Variants in LRP2 observed in about 807,000 individuals in gnomAD.
LRP2 encodes the protein LDL receptor related protein 2, also known as low-density lipoprotein receptor-related protein 2.
In LRP2, 172 loss-of-function variants were observed where a neutral mutation model predicts 531.0. The observed-to-expected ratio is 0.32, with a 90% CI of 0.29 to 0.37. The LOEUF (loss-of-function observed/expected upper bound fraction) is 0.37. LRP2 is among the 10% of genes least tolerant of loss of function. LRP2 has a pLI of 1.00. For missense variants in LRP2, 5,167 were observed against 5,868.3 expected, an observed-to-expected ratio of 0.88 and a Z score of 3.90; for synonymous variants, 1,992 against 2,027.6, an observed-to-expected ratio of 0.98 and a Z score of 0.47.
At chr2:169,334,638 G>A (rs1210112327) in intron 1 of LRP2, among the ~76,000 whole-genome samples, 2 of 152,194 alleles carry the variant, frequency 1.3e-5, no homozygotes, top group African/African-American at 4.8e-5. Flanking sequence ...GCAAAGCACT[G>A]ACTGTCCCTG....
chr2:169,337,672 A>G (rs187333455), intron 1 of LRP2, among the ~76,000 whole-genome samples: 195 of 152,334 alleles, frequency 1.3e-3, no homozygotes, highest in Middle Eastern at 6.8e-3. Flanking sequence ...TTATTCTACT[A>G]TTTGTAACTC....
At chr2:169,338,359 G>A (rs142388483) in intron 1 of LRP2, among the ~76,000 whole-genome samples, 7,925 of 76,268 alleles carry the variant, frequency 0.1, 638 homozygotes, top group East Asian at 0.13. Context: ...AAAGAAAGAA[G>A]GAAAGAAAGA....
chr2:169,234,128 A>T (rs6713797), intron 29 of LRP2, among the ~76,000 whole-genome samples: 76,198 of 151,970 alleles, frequency 0.5, 20,364 homozygotes, highest in African/African-American at 0.68. Context: ...AATTGTTTTT[A>T]ATTTTTTATT....
rs150829296 is a variant in LRP2, at chr2:169,318,884, G to T, written c.188C>A (p.Ala63Asp). 1 of 1,613,918 alleles carries T rather than the reference G, an allele frequency of 6.2e-7. No individual in the cohort carries two copies. Among genetic ancestry groups the T allele is most frequent in the Non-Finnish European group, 8.5e-7 (1 of 1,179,956 alleles). ...CSDDADEIGC[A>D]VVTCQQGYFK... Reference sequence around the variant, plus strand: ...ATAGCCCTGCTGGCAGGTCACAACAGCTAAAACAAACCAAAAGAGGACTCA... The same window carrying T: ...ATAGCCCTGCTGGCAGGTCACAACATCTAAAACAAACCAAAAGAGGACTCA... The change falls in exon 3 of 79, where the codon GCT becomes GAT. Residue 63 changes from alanine (A) to aspartate (D), a missense_variant and splice_region_variant. Transcript: ENST00000649046.
intron 15 of LRP2, 29 bp from the exon 16 acceptor site, chr2:169,271,136 G>C (rs1285400370): frequency 1.3e-6 from 2 of 1,518,528 alleles, no homozygotes; most frequent in South Asian, 2.3e-5. Flanking sequence ...AGCACAGTCA[G>C]TCACAGCATG....
chr2:169,288,957 G>A (rs2105464370), intron 9 of LRP2, 69 bp downstream of exon 9: 2 of 1,608,128 alleles, frequency 1.2e-6, no homozygotes, highest in East Asian at 2.2e-5. Flanking sequence ...CCTCCTAGAT[G>A]TCAGAGATCA....
chr2:169,269,854 C>CA (rs2105434921), intron 16 of LRP2, among the ~76,000 whole-genome samples: 1 of 152,294 alleles, frequency 6.6e-6, no homozygotes, highest in South Asian at 2.1e-4. Flanking sequence ...ACAATCTACC[C>CA]ATCTTACAAA....
chr2:169,265,192 C>T (rs1157734849), intron 16 of LRP2, among the ~76,000 whole-genome samples: 1 of 152,036 alleles, frequency 6.6e-6, no homozygotes, highest in Admixed American at 6.6e-5. Context: ...CCAGAACAGA[C>T]CACCATCTCC....
At chr2:169,189,938 T>C (rs972398560) in intron 48 of LRP2, among the ~76,000 whole-genome samples, 3 of 152,172 alleles carry the variant, frequency 2.0e-5, no homozygotes, top group Non-Finnish European at 4.4e-5. Context: ...GAGGAAATGT[T>C]ACTGTGCTGT....
Position 169,146,846 on chromosome 2 carries a change from G to C in LRP2, c.12704C>G (p.Ser4235Cys), listed in dbSNP as rs747418253. Reference sequence around the variant, plus strand: ...TCGGTCATTGTTCAAATAATCGATAGAAAGGCCAGTTGGCCAACCAAGGTC... The same window carrying C: ...TCGGTCATTGTTCAAATAATCGATACAAAGGCCAGTTGGCCAACCAAGGTC... The part of the protein sequence containing the change: ...FEDLGWPTGL[S>C]IDYLNNDRIY... The change falls in exon 69 of 79, where the codon TCT becomes TGT. Residue 4235 changes from serine to cysteine, a missense_variant. Around this residue, in one of 6 missense-constraint regions of LRP2, gnomAD observed 564 missense variants for 747.7 expected, o/e 0.75. Transcript: ENST00000649046. The C allele has an allele frequency of 6.2e-7, 1 of 1,614,160 alleles. No individual in the cohort carries two copies. Among genetic ancestry groups the C allele is most frequent in the Admixed American group, 1.7e-5 (1 of 60,024 alleles).
At position 169,280,533 on chromosome 2, in the gene LRP2, A is replaced by G; in HGVS notation, c.1172-14T>C. ...AGGCCTCGCCAACTAAATGCGAAGAAGGAAGGCATCACCACTCCTTCAGAT... is the reference window on the plus strand; with the variant it reads ...AGGCCTCGCCAACTAAATGCGAAGAGGGAAGGCATCACCACTCCTTCAGAT... On this transcript the variant is annotated splice_polypyrimidine_tract_variant and intron_variant, in intron 10 of 78. Transcript: ENST00000649046. 3 of 1,613,734 alleles carry G rather than the reference A, an allele frequency of 1.9e-6. No homozygotes were observed. Among genetic ancestry groups the G allele is most frequent in the Non-Finnish European group, 2.5e-6 (3 of 1,179,822 alleles).
At chr2:169,228,718 A>G (rs564396814) in intron 31 of LRP2, among the ~76,000 whole-genome samples, 2 of 152,290 alleles carry the variant, frequency 1.3e-5, no homozygotes, top group African/African-American at 4.8e-5. Context: ...TTTACCACCA[A>G]TGAACATTTG....
Position 169,360,141 on chromosome 2 carries a change from AAAAAAAAG to A in LRP2, c.79+2172_79+2179del, listed in dbSNP as rs749971518. Among the ~76,000 whole-genome samples, 701 of 132,676 alleles carry A rather than the reference AAAAAAAAG, an allele frequency of 5.3e-3. 3 individuals carry two copies. The highest frequency in any genetic ancestry group is 0.014 in the African/African-American group (519 of 36,798). 87.0% of individuals were successfully genotyped at this position (132,676 alleles called of 152,430 possible). Reference sequence around the variant, plus strand: ...TTCTGTCTCTCTCAAAAAAAAAAAAAAAAAAAAGAGAGAGAGAGAGAGAGAAAACCAGA... The same window carrying A: ...TTCTGTCTCTCTCAAAAAAAAAAAAAAGAGAGAGAGAGAGAGAAAACCAGA... On this transcript the variant is annotated intron_variant, in intron 1 of 78. Transcript: ENST00000649046.
chr2:169,323,179 C>T (rs913767392), intron 1 of LRP2, among the ~76,000 whole-genome samples: 5 of 152,126 alleles, frequency 3.3e-5, no homozygotes, highest in Non-Finnish European at 7.4e-5. Context: ...ACTTGATCTC[C>T]TCACTCCATT....
chr2:169,288,768 TC>T (rs1463513351), intron 9 of LRP2, among the ~76,000 whole-genome samples: 4 of 152,206 alleles, frequency 2.6e-5, no homozygotes, highest in African/African-American at 7.2e-5. Flanking sequence ...ACTACCGCCC[TC>T]ATCAAGTAAT....
rs1038277363 is a variant in LRP2 at position 169,358,558 on chromosome 2, G to T, written c.79+3763C>A. Among the ~76,000 whole-genome samples the T allele has an allele frequency of 3.3e-5, 5 of 152,164 alleles. No homozygotes were observed. In the East Asian group the frequency reaches 9.6e-4, roughly 29 times the overall value. Reference sequence around the variant, plus strand: ...ATTAAAGCAGCAGTGAGGTTCCAGAGTTGTGATGGAATAAAAACGATACAA... The same window carrying T: ...ATTAAAGCAGCAGTGAGGTTCCAGATTTGTGATGGAATAAAAACGATACAA... On this transcript the variant is annotated intron_variant, in intron 1 of 78. Transcript: ENST00000649046.
At position 169,278,127 on chromosome 2, in the gene LRP2, G is replaced by C. The variant is rs540808090; in HGVS notation, c.1566-176C>G. 4.0e-5 allele frequency among the ~76,000 whole-genome samples: 6 copies of C among 151,878 alleles called. No individual in the cohort carries two copies. In the South Asian group the frequency reaches 8.3e-4, roughly 21 times the overall value. On this transcript the variant is annotated intron_variant, in intron 12 of 78. Coordinates refer to ENST00000649046, the MANE Select transcript of LRP2 (RefSeq NM_004525.3). ...TTTTTTAAAGAGACTGTGGGGGTCAGTCAGGAGCATCAACAGTTCCAAATA... is the reference window on the plus strand; with the variant it reads ...TTTTTTAAAGAGACTGTGGGGGTCACTCAGGAGCATCAACAGTTCCAAATA...
chr2:169,346,945 T>A (rs2105568634), intron 1 of LRP2, among the ~76,000 whole-genome samples: 1 of 152,282 alleles, frequency 6.6e-6, no homozygotes, highest in East Asian at 1.9e-4. Flanking sequence ...TTTGAGGCCT[T>A]CCTAATAGAT....
chr2:169,225,200 T>A (rs371507112), intron 33 of LRP2, 110 bp downstream of exon 33: 1 of 1,166,622 alleles, frequency 8.6e-7, no homozygotes, highest in Non-Finnish European at 1.3e-6. Flanking sequence ...TTTCCCTTTT[T>A]CTTTTTGCTT....
Sources: allele counts gnomAD v4.1 joint callset (sites outside exome capture counted in the v4.1 genomes callset), GRCh38; gene constraint gnomAD v4.1.1; regional missense constraint gnomAD v4.1.1; transcripts MANE v1.5; gene names NCBI Gene and HGNC (gene_info 2026-07-23, HGNC 2026-07-21).